SLC4A4: variants seen among roughly 807,000 people sequenced by gnomAD.
SLC4A4 encodes the protein electrogenic sodium bicarbonate cotransporter 1.
Under a neutral mutation model 111.5 loss-of-function variants are expected in SLC4A4, and 27 were observed. That is an observed-to-expected ratio of 0.24 (90% CI 0.18 to 0.33). The LOEUF (loss-of-function observed/expected upper bound fraction) is 0.33. SLC4A4 is among the 10% of genes least tolerant of loss of function. SLC4A4 has a pLI of 1.00. For missense variants in SLC4A4, 909 were observed against 1,315.5 expected (o/e 0.69, Z 4.78); for synonymous variants, 443 against 463.4 (o/e 0.96, Z 0.57).
intron 1 of SLC4A4, 134 bp downstream of exon 1, chr4:71,187,535 G>A (rs1316861993): frequency 1.3e-5 from 2 of 152,970 alleles, no homozygotes; most frequent in African/African-American, 4.8e-5. Context: ...GAGGGAGAGA[G>A]AGGTCAATTG....
At chr4:71,194,198 A>C (rs1745881819) in intron 1 of SLC4A4, among the ~76,000 whole-genome samples, 1 of 152,216 alleles carries the variant, frequency 6.6e-6, no homozygotes, top group Non-Finnish European at 1.5e-5. Context: ...TCATTATTAA[A>C]ATAATTATAA....
intron 23 of SLC4A4, among the ~76,000 whole-genome samples, chr4:71,562,863 G>A (rs1227462303): frequency 6.6e-6 from 1 of 151,416 alleles, no homozygotes; most frequent in Non-Finnish European, 1.5e-5. Context: ...CCTCTTTAGA[G>A]TCATAAATAA....
At chr4:71,158,769 T>C (rs1232951389) in intron 2 of SLC4A4, among the ~76,000 whole-genome samples, 1 of 152,200 alleles carries the variant, frequency 6.6e-6, no homozygotes, top group African/African-American at 2.4e-5. Context: ...GTTCGTGTTC[T>C]GGGTGAGGGC....
chr4:71,467,871 C>T (rs1727520927), intron 13 of SLC4A4, among the ~76,000 whole-genome samples: 1 of 139,976 alleles, frequency 7.1e-6, no homozygotes, highest in African/African-American at 2.6e-5. Flanking sequence ...CCTGCTGGCA[C>T]TCCTTGTTGG....
chr4:71,161,512 G>C (rs1744616706), intron 2 of SLC4A4, among the ~76,000 whole-genome samples: 1 of 152,044 alleles, frequency 6.6e-6, no homozygotes, highest in South Asian at 2.1e-4. Flanking sequence ...GATGACTGTT[G>C]GCTAACCTTA....
chr4:71,341,207 A>G (rs184627238), intron 4 of SLC4A4, among the ~76,000 whole-genome samples: 157 of 152,320 alleles, frequency 1.0e-3, no homozygotes, highest in Non-Finnish European at 1.7e-3. Context: ...TACCATGAAT[A>G]TAGCAGTGAG....
intron 2 of SLC4A4, among the ~76,000 whole-genome samples, chr4:71,149,964 T>A (rs1369054654): frequency 2.6e-5 from 4 of 152,186 alleles, no homozygotes; most frequent in Non-Finnish European, 5.9e-5. Context: ...TGTTCTTTAT[T>A]TTTTTAAAAA....
intron 8 of SLC4A4, among the ~76,000 whole-genome samples, chr4:71,443,112 C>CTATATA (rs1378888099): frequency 5.1e-5 from 5 of 97,652 alleles, no homozygotes; most frequent in African/African-American, 4.9e-5. Context: ...CTCTCTCTCT[C>CTATATA]TCTCTATATA....
chr4:71,193,308 C>T (rs2579365), intron 1 of SLC4A4, among the ~76,000 whole-genome samples: 123,436 of 151,932 alleles, frequency 0.81, 52,542 homozygotes, highest in Non-Finnish European at 0.94. Context: ...TACAGGTGCC[C>T]GCCACCACGT....
At chr4:71,223,330 C>T (rs762334481) in intron 1 of SLC4A4, among the ~76,000 whole-genome samples, 3 of 151,992 alleles carry the variant, frequency 2.0e-5, no homozygotes, top group South Asian at 4.1e-4. Flanking sequence ...CACCCACCCC[C>T]GCGCCTGTCT....
At chr4:71,128,447 A>G (rs1445819107) in intron 2 of SLC4A4, among the ~76,000 whole-genome samples, 1 of 152,132 alleles carries the variant, frequency 6.6e-6, no homozygotes, top group Non-Finnish European at 1.5e-5. Context: ...AAACCATATC[A>G]AAGACCCTGT....
At chr4:71,130,385 A>G (rs1240842688) in intron 2 of SLC4A4, among the ~76,000 whole-genome samples, 1 of 152,074 alleles carries the variant, frequency 6.6e-6, no homozygotes, top group African/African-American at 2.4e-5. Context: ...ATGTGCCTCC[A>G]TGCTGGCTAA....
chr4:71,454,791 C>A (rs778193098), intron 12 of SLC4A4, among the ~76,000 whole-genome samples: 1 of 152,058 alleles, frequency 6.6e-6, no homozygotes, highest in African/African-American at 2.4e-5. Flanking sequence ...AACTTAGAGG[C>A]TTGAAACAAC....
chr4:71,502,450 G>A (rs953466465), intron 16 of SLC4A4, among the ~76,000 whole-genome samples: 1 of 152,054 alleles, frequency 6.6e-6, no homozygotes, highest in African/African-American at 2.4e-5. Context: ...TTCTTTCGAT[G>A]TAGTCATTTA....
At chr4:71,108,011 T>G (rs996797319) in intron 2 of SLC4A4, among the ~76,000 whole-genome samples, 2 of 152,190 alleles carry the variant, frequency 1.3e-5, no homozygotes, top group Admixed American at 1.3e-4. Flanking sequence ...CACTCTAATT[T>G]AAATTTATAC....
intron 4 of SLC4A4, among the ~76,000 whole-genome samples, chr4:71,347,274 A>G (rs2148899072): frequency 6.6e-6 from 1 of 152,288 alleles, no homozygotes; most frequent in Non-Finnish European, 1.5e-5. Flanking sequence ...TTCTTTTTAG[A>G]TAAAATCTTA....
At chr4:71,412,052 G>A (rs1721406629) in intron 7 of SLC4A4, among the ~76,000 whole-genome samples, 1 of 152,166 alleles carries the variant, frequency 6.6e-6, no homozygotes, top group South Asian at 2.1e-4. Flanking sequence ...GTTATTATCA[G>A]ATTTACAAAT....
intron 2 of SLC4A4, among the ~76,000 whole-genome samples, chr4:71,181,664 A>G (rs772495128): frequency 6.6e-6 from 1 of 152,344 alleles, no homozygotes; most frequent in Non-Finnish European, 1.5e-5. Flanking sequence ...TCATTCTATA[A>G]TTACTGAGTT....
At chr4:71,267,274 G>A (rs920820469) in intron 3 of SLC4A4, among the ~76,000 whole-genome samples, 1 of 152,126 alleles carries the variant, frequency 6.6e-6, no homozygotes, top group Non-Finnish European at 1.5e-5. Flanking sequence ...GGTAGGTTCT[G>A]ATCAAGGTAG....
Sources: gnomAD v4.1 joint callset for allele counts (sites outside exome capture counted in the v4.1 genomes callset) on GRCh38, gnomAD v4.1.1 for gene constraint, MANE v1.5 for transcripts, NCBI Gene and HGNC (gene_info 2026-07-23, HGNC 2026-07-21) for gene names.